VPS13A: variants seen among roughly 807,000 people sequenced by gnomAD.
The protein encoded by VPS13A is vacuolar protein sorting 13 homolog A, also known as intermembrane lipid transfer protein VPS13A.
A neutral mutation model predicts 390.9 loss-of-function variants in VPS13A; 264 were observed. That is an observed-to-expected ratio of 0.68 (90% CI 0.61 to 0.75). The LOEUF (loss-of-function observed/expected upper bound fraction) is 0.75. Among genes scored for constraint, VPS13A ranks in the 30% least tolerant of loss-of-function variants. The pLI is 0.00. For missense variants in VPS13A, 3,409 were observed against 3,733.9 expected (o/e 0.91, Z 2.27); for synonymous variants, 1,231 against 1,227.1 (o/e 1.00, Z -0.07).
intron 46 of VPS13A, among the ~76,000 whole-genome samples, chr9:77,335,600 A>G (rs1440652951): frequency 6.6e-6 from 1 of 152,246 alleles, no homozygotes; most frequent in African/African-American, 2.4e-5. Flanking sequence ...ATGTATGAAA[A>G]AAAGCTCATC....
intron 47 of VPS13A, chr9:77,339,211 A>G (rs1830689092): frequency 6.4e-6 from 2 of 313,534 alleles, no homozygotes; most frequent in South Asian, 5.8e-5. Flanking sequence ...TTTACCAATT[A>G]TAGTGTTTTA....
chr9:77,205,443 A>C (rs1825583362), intron 4 of VPS13A, 35 bp downstream of exon 4: 1 of 1,009,566 alleles, frequency 9.9e-7, no homozygotes, highest in South Asian at 2.6e-5. Context: ...AATTTAAGTT[A>C]TTCTTTTTTA....
At chr9:77,209,835 A>G (rs896395063) in intron 6 of VPS13A, among the ~76,000 whole-genome samples, 2 of 152,152 alleles carry the variant, frequency 1.3e-5, no homozygotes, top group Non-Finnish European at 2.9e-5. Flanking sequence ...TACCTCCTGG[A>G]TGGAGTACTG....
chr9:77,390,084 A>G, intron 68 of VPS13A: 1 of 985,424 alleles, frequency 1.0e-6, no homozygotes, highest in Non-Finnish European at 1.2e-6. Flanking sequence ...AGGTCTTACT[A>G]TAGCAGTCAG....
intron 38 of VPS13A, among the ~76,000 whole-genome samples, 158 bp from the exon 39 acceptor site, chr9:77,316,016 C>T (rs1182906875): frequency 6.6e-6 from 1 of 151,792 alleles, no homozygotes; most frequent in Non-Finnish European, 1.5e-5. Flanking sequence ...ATGCCTATAG[C>T]TTCTTCAAGT....
intron 69 of VPS13A, among the ~76,000 whole-genome samples, chr9:77,405,052 C>G (rs1193064297): frequency 6.6e-6 from 1 of 151,650 alleles, no homozygotes; most frequent in Non-Finnish European, 1.5e-5. Flanking sequence ...ATGTTTCAAT[C>G]AGAAAGAAAA....
intron 33 of VPS13A, among the ~76,000 whole-genome samples, chr9:77,301,098 G>T (rs1391068023): frequency 6.6e-6 from 1 of 152,278 alleles, no homozygotes; most frequent in East Asian, 1.9e-4. Context: ...GATAAGAAAA[G>T]TTTTTCCAGA....
intron 17 of VPS13A, among the ~76,000 whole-genome samples, chr9:77,228,966 C>A (rs976022414): frequency 2.6e-5 from 4 of 152,204 alleles, no homozygotes; most frequent in African/African-American, 7.2e-5. Context: ...TATCTCCCAC[C>A]AGGTCCCTCC....
At chr9:77,223,720 C>CAT (rs35488520) in intron 13 of VPS13A, among the ~76,000 whole-genome samples, 78,936 of 151,760 alleles carry the variant, frequency 0.52, 20,713 homozygotes, top group South Asian at 0.61. Flanking sequence ...GTCTCTATAA[C>CAT]AAAAGTATAA....
chr9:77,368,036 A>G lies in VPS13A; in HGVS notation c.8472-19A>G. ...CTTCATACACATGTACAGACAATAT[A>G]TTTTTACGCTTTTTTCAGGCTTGCA... is the stretch of plus-strand genomic sequence containing the variant. On this transcript the variant is annotated intron_variant, in intron 61 of 71. Transcript: ENST00000360280. The G allele has an allele frequency of 6.2e-7, 1 of 1,602,094 alleles. No individual in the cohort carries two copies. The highest frequency in any genetic ancestry group is 8.5e-7 in the Non-Finnish European group (1 of 1,172,922).
At chr9:77,388,210 A>G (rs181601458) in intron 68 of VPS13A, among the ~76,000 whole-genome samples, 1 of 152,312 alleles carries the variant, frequency 6.6e-6, no homozygotes, top group Admixed American at 6.5e-5. Context: ...GAATAAATGG[A>G]GATCAATTAA....
Position 77,295,705 on chromosome 9 carries a change from CA to C in VPS13A, c.3672del (p.Val1225PhefsTer12). 1 of 1,613,980 alleles carries C rather than the reference CA, an allele frequency of 6.2e-7. No homozygotes were observed. Among genetic ancestry groups the C allele is most frequent in the Non-Finnish European group, 8.5e-7 (1 of 1,179,926 alleles). On this transcript the variant is annotated frameshift_variant, in exon 33 of 72. Coordinates refer to ENST00000360280, the MANE Select transcript of VPS13A (RefSeq NM_033305.3). LOFTEE classifies it high-confidence loss of function. ...KAPVVVIPQS[P>X]VSENVFVADF... is the part of the protein sequence containing the mutation. ...CCAGTTGTGGTCATCCCGCAGTCTC[CA>C]GTTTCTGAAAATGTTTTTGTTGCTG...
rs148553503 is a variant in VPS13A at position 77,310,843 on chromosome 9, G to A, written c.4114+2745G>A. On this transcript the variant is annotated intron_variant, in intron 35 of 71. Coordinates refer to ENST00000360280, the MANE Select transcript of VPS13A (RefSeq NM_033305.3). Reference sequence around the variant, plus strand: ...GATGTTTGAATATGTCATTTTAATCGTTTTCTTCTGGAAATTTTTACACAT... The same window carrying A: ...GATGTTTGAATATGTCATTTTAATCATTTTCTTCTGGAAATTTTTACACAT... 5.8e-3 allele frequency among the ~76,000 whole-genome samples: 875 copies of A among 152,014 alleles called. 12 individuals carry two copies. The highest frequency in any genetic ancestry group is 0.02 in the African/African-American group (844 of 41,476).
chr9:77,398,016 C>G (rs1834189983), intron 68 of VPS13A, among the ~76,000 whole-genome samples: 1 of 152,106 alleles, frequency 6.6e-6, no homozygotes, highest in Non-Finnish European at 1.5e-5. Flanking sequence ...TATGTAAAGG[C>G]CCTACATGAT....
chr9:77,416,071 C>T lies in VPS13A; in HGVS notation c.*65C>T. Reference sequence around the variant, plus strand: ...ACAGCTCCTAGACTACCTTCCAAAACCTGTTTGGGAAGCATATTACAGAAA... The same window carrying T: ...ACAGCTCCTAGACTACCTTCCAAAATCTGTTTGGGAAGCATATTACAGAAA... On this transcript the variant is annotated 3_prime_UTR_variant, in exon 72 of 72. Coordinates refer to ENST00000360280, the MANE Select transcript of VPS13A (RefSeq NM_033305.3). 3 of 1,569,330 alleles carry T rather than the reference C, an allele frequency of 1.9e-6. No individual in the cohort carries two copies. In the South Asian group the frequency reaches 3.3e-5, roughly 17 times the overall value.
intron 23 of VPS13A, among the ~76,000 whole-genome samples, chr9:77,262,351 CAG>C (rs767094786): frequency 1.4e-4 from 21 of 151,958 alleles, no homozygotes; most frequent in East Asian, 1.9e-4. Flanking sequence ...TCGGGGGTAA[CAG>C]GGGGTTCTTT....
intron 71 of VPS13A, among the ~76,000 whole-genome samples, chr9:77,414,764 T>TAATAATAATAATAATAATAATAAA (rs1423448427): frequency 6.8e-6 from 1 of 146,818 alleles, no homozygotes; most frequent in African/African-American, 2.5e-5. Context: ...ATAATAATAA[T>TAATAATAATAATAATAATAATAAA]AATAAAAACT....
intron 13 of VPS13A, among the ~76,000 whole-genome samples, chr9:77,223,534 G>A (rs1216083707): frequency 6.6e-6 from 1 of 152,146 alleles, no homozygotes; most frequent in African/African-American, 2.4e-5. Flanking sequence ...GATGTGGAGA[G>A]TGTTCTAGTG....
intron 67 of VPS13A, among the ~76,000 whole-genome samples, chr9:77,376,237 A>G (rs944517893): frequency 1.3e-5 from 2 of 152,168 alleles, no homozygotes; most frequent in Non-Finnish European, 2.9e-5. Flanking sequence ...GGGAAAGTTG[A>G]AGAAGATGTT....
Sources: allele counts gnomAD v4.1 joint callset (sites outside exome capture counted in the v4.1 genomes callset), GRCh38; gene constraint gnomAD v4.1.1; transcripts MANE v1.5; gene names NCBI Gene and HGNC (gene_info 2026-07-23, HGNC 2026-07-21).